Variants in TSGA10IP observed in about 807,000 individuals in gnomAD.
The protein encoded by TSGA10IP is testis specific 10 interacting protein.
A neutral mutation model predicts 63.2 loss-of-function variants in TSGA10IP; 64 were observed. That is an observed-to-expected ratio of 1.01 (90% CI 0.83 to 1.25). TSGA10IP has a LOEUF of 1.25. Ranked by LOEUF, TSGA10IP falls within the 50% of genes most tolerant of loss-of-function variation. The probability of loss-of-function intolerance (pLI) is 0.00; values close to 1 mark genes in which losing one functional copy is unlikely to be tolerated. For missense variants in TSGA10IP, 681 were observed against 710.1 expected (o/e 0.96, Z 0.47); for synonymous variants, 316 against 298.3 (o/e 1.06, Z -0.61).
intron 4 of TSGA10IP, among the ~76,000 whole-genome samples, 186 bp from the exon 5 acceptor site, chr11:65,953,381 C>T (rs769518840): frequency 6.6e-6 from 1 of 151,940 alleles, no homozygotes. Flanking sequence ...GAGCTGGGAC[C>T]GAGGGCTGAG....
intron 1 of TSGA10IP, among the ~76,000 whole-genome samples, chr11:65,946,085 A>C (rs563887346): frequency 1.3e-5 from 2 of 152,018 alleles, no homozygotes; most frequent in Non-Finnish European, 2.9e-5. Context: ...AAAGATGAAG[A>C]CCACCTTGAT....
intron 5 of TSGA10IP, among the ~76,000 whole-genome samples, chr11:65,955,560 C>T (rs540688010): frequency 1.3e-5 from 2 of 151,916 alleles, no homozygotes; most frequent in South Asian, 4.2e-4. Context: ...TTGCAGTGAG[C>T]CGAGACTGCA....
At chr11:65,947,065 C>T in intron 2 of TSGA10IP, 45 bp from the exon 3 acceptor site, 1 of 1,610,292 alleles carries the variant, frequency 6.2e-7, no homozygotes, top group Non-Finnish European at 8.5e-7. Context: ...TCAGGGCCCT[C>T]TGGGGGCTGG....
At position 65,952,103 on chromosome 11, in the gene TSGA10IP, C is replaced by T. The variant is rs552296233; in HGVS notation, c.1152-1464C>T. 1.6e-3 allele frequency among the ~76,000 whole-genome samples: 237 copies of T among 152,326 alleles called. 3 individuals are homozygous for T. Among genetic ancestry groups the T allele is most frequent in the South Asian group, 8.5e-3 (41 of 4,828 alleles). ...TCCAGACCTCAAATGATCTGCCCGCCTTGGCCTCCCAAAGTGCTGGGATTT... is the reference window on the plus strand; with the variant it reads ...TCCAGACCTCAAATGATCTGCCCGCTTTGGCCTCCCAAAGTGCTGGGATTT... On this transcript the variant is annotated intron_variant, in intron 4 of 7. Transcript: ENST00000532620.
At position 65,947,465 on chromosome 11, in the gene TSGA10IP, C is replaced by T; in HGVS notation, c.640C>T (p.Gln214Ter). The change falls in exon 3 of 8, where the codon CAG becomes TAG. Residue 214 changes from glutamine to a stop codon, truncating the protein, a stop_gained. Coordinates refer to ENST00000532620, the Ensembl canonical transcript of TSGA10IP. LOFTEE classifies it high-confidence loss of function. ...AGGATCAGGATCGGCGTCCGACAAG[C>T]AGGTCCAGCTGCAAAGCCTGGGTGC... 1 of 1,613,396 alleles carries T rather than the reference C, an allele frequency of 6.2e-7. No homozygotes were observed. The highest frequency in any genetic ancestry group is 8.5e-7 in the Non-Finnish European group (1 of 1,179,560).
chr11:65,954,195 T>C (rs1854988969), intron 5 of TSGA10IP, among the ~76,000 whole-genome samples: 1 of 151,084 alleles, frequency 6.6e-6, no homozygotes, highest in Admixed American at 6.6e-5. Context: ...AGACGGAGTC[T>C]CGCTCTGTCG....
chr11:65,955,634 GTGCTGA>G (rs1855011649), intron 5 of TSGA10IP, among the ~76,000 whole-genome samples: 1 of 151,826 alleles, frequency 6.6e-6, no homozygotes, highest in Non-Finnish European at 1.5e-5. Flanking sequence ...AAAGAGTTAG[GTGCTGA>G]TGCACGAGGG....
intron 4 of TSGA10IP, among the ~76,000 whole-genome samples, chr11:65,953,270 ATCCGCCTGCC>A (rs1393212249): frequency 6.6e-6 from 1 of 151,962 alleles, no homozygotes; most frequent in Non-Finnish European, 1.5e-5. Context: ...ACCTCAGGTG[ATCCGCCTGCC>A]TCCACCTCCC....
In TSGA10IP at chr11:65,953,561, C is replaced by T; in HGVS notation, c.1152-6C>T. On this transcript the variant is annotated splice_region_variant and splice_polypyrimidine_tract_variant and intron_variant, in intron 4 of 7. Transcript: ENST00000532620. The stretch of plus-strand genomic sequence containing the variant: ...CCTCTCATTCCCCTTCCCTTTCTCA[C>T]CCAAGGAGCCTGCTGCAGGCCTGGG... 1.3e-6 allele frequency: 2 copies of T among 1,576,136 alleles called. No homozygotes were observed. Among genetic ancestry groups the T allele is most frequent in the Non-Finnish European group, 1.7e-6 (2 of 1,163,444 alleles).
At chr11:65,949,850 G>GGT (rs1555055659) in intron 4 of TSGA10IP, among the ~76,000 whole-genome samples, 3 of 101,698 alleles carry the variant, frequency 2.9e-5, no homozygotes, top group African/African-American at 3.9e-5. Flanking sequence ...CATTACCTCG[G>GGT]TTTTTTTTTT....
chr11:65,947,927 C>G (rs989800064), intron 3 of TSGA10IP, 74 bp from the exon 4 acceptor site: 3 of 1,519,836 alleles, frequency 2.0e-6, no homozygotes, highest in Non-Finnish European at 2.6e-6. Flanking sequence ...GGGCTGTGCT[C>G]TGGGTGCTGG....
intron 5 of TSGA10IP, 66 bp downstream of exon 5, chr11:65,953,803 C>T: frequency 7.5e-7 from 1 of 1,331,960 alleles, no homozygotes; most frequent in Non-Finnish European, 9.8e-7. Flanking sequence ...AGGTCTCAGT[C>T]TACAGGACCG....
exon 3 of TSGA10IP, chr11:65,947,119 G>T (rs757122514): frequency 3.7e-6 from 6 of 1,610,862 alleles, no homozygotes; most frequent in South Asian, 1.1e-5. Flanking sequence ...GTCACTTCCC[G>T]CTTCTTCCTC....
intron 5 of TSGA10IP, 61 bp from the exon 6 acceptor site, chr11:65,958,822 A>T (rs1855067647): frequency 7.0e-7 from 1 of 1,424,236 alleles, no homozygotes; most frequent in African/African-American, 1.4e-5. Context: ...AAGCGGGCTC[A>T]GGAATGGAGA....
chr11:65,959,869 A>G lies in TSGA10IP; in HGVS notation c.1600A>G (p.Arg534Gly), dbSNP rs762003887. 2.5e-6 allele frequency: 4 copies of G among 1,605,404 alleles called. No homozygotes were observed. The South Asian group carries it at 3.3e-5, about 13-fold the overall frequency. ...GGAGCACTCTCCTCAGAGGCCCCCA[A>G]GGACAGAACCCACCGGCAGCCAGCC... Residue 534 changes from arginine to glycine, a missense_variant, in exon 8 of 8, where the codon AGG becomes GGG. Physicochemically the swap from Arg to Gly is moderately radical, Grantham distance 125 (BLOSUM62 -2). Transcript: ENST00000532620.
chr11:65,948,238 A>G, intron 4 of TSGA10IP, 90 bp downstream of exon 4: 2 of 1,430,350 alleles, frequency 1.4e-6, no homozygotes, highest in Non-Finnish European at 1.9e-6. Context: ...TTGAACTCTC[A>G]TTCATTTCTT....
intron 5 of TSGA10IP, 61 bp downstream of exon 5, chr11:65,953,798 T>A: frequency 7.3e-7 from 1 of 1,373,838 alleles, no homozygotes; most frequent in East Asian, 2.7e-5. Context: ...GTGTCAGGTC[T>A]CAGTCTACAG....
rs775763229 is a variant in TSGA10IP, at chr11:65,947,268, G to A, written c.443G>A (p.Arg148His). 3.7e-6 allele frequency: 6 copies of A among 1,611,304 alleles called. No homozygotes were observed. The highest frequency in any genetic ancestry group is 2.2e-5 in the South Asian group (2 of 90,704). Residue 148 changes from arginine to histidine, a missense_variant, in exon 3 of 8, where the codon CGC becomes CAC. By Grantham distance (29) the Arg-to-His change is conservative. Coordinates refer to ENST00000532620, the Ensembl canonical transcript of TSGA10IP. ...TCGTTCTCCCAGCGTCAGTCCAGGC[G>A]CAAGTCCACGGCCAACCTCCCAGAG...
Position 65,945,599 on chromosome 11 carries a change from T to G in TSGA10IP, c.-77T>G. Reference sequence around the variant, plus strand: ...CTAGCATGCTTTTTGCCAGACCCATTGAGACTGGCTGAGGACTGGTTGCCA... The same window carrying G: ...CTAGCATGCTTTTTGCCAGACCCATGGAGACTGGCTGAGGACTGGTTGCCA... On this transcript the variant is annotated 5_prime_UTR_variant, in exon 1 of 8. The change creates a new upstream start codon in the 5' untranslated region. Transcript: ENST00000532620. 13 of 1,543,622 alleles carry G rather than the reference T, an allele frequency of 8.4e-6. No individual in the cohort carries two copies. The highest frequency in any genetic ancestry group is 1.1e-5 in the Non-Finnish European group (13 of 1,133,146).
Sources: allele counts gnomAD v4.1 joint callset (sites outside exome capture counted in the v4.1 genomes callset), GRCh38; gene constraint gnomAD v4.1.1; transcripts MANE v1.5; gene names NCBI Gene and HGNC (gene_info 2026-07-23, HGNC 2026-07-21).